UNC13C: variants seen among roughly 807,000 people sequenced by gnomAD.
The protein encoded by UNC13C is unc-13 homolog C, also known as protein unc-13 homolog C.
Under a neutral mutation model 245.4 loss-of-function variants are expected in UNC13C, and 174 were observed. The observed-to-expected ratio is 0.71, with a 90% CI of 0.63 to 0.80. The LOEUF is 0.80. Ranked by LOEUF, UNC13C falls within the 30% of genes least tolerant of loss-of-function variation. The pLI, the probability that UNC13C is intolerant of heterozygous loss-of-function variation, is 0.00. For missense variants in UNC13C, 2,829 were observed against 2,602.9 expected (o/e 1.09, Z -1.89); for synonymous variants, 992 against 895.1 (o/e 1.11, Z -1.93).
chr15:54,588,653 C>G (rs1327026149), intron 30 of UNC13C, among the ~76,000 whole-genome samples: 1 of 152,152 alleles, frequency 6.6e-6, no homozygotes, highest in Non-Finnish European at 1.5e-5. Context: ...CCTCTTCCTC[C>G]CAAGTTCCCG....
At chr15:54,103,492 T>A (rs1900271587) in intron 2 of UNC13C, among the ~76,000 whole-genome samples, 1 of 152,248 alleles carries the variant, frequency 6.6e-6, no homozygotes, top group African/African-American at 2.4e-5. Flanking sequence ...AATTAACTTT[T>A]CTGAAAACAC....
the UNC13C span, among the ~76,000 whole-genome samples, chr15:53,839,136 T>C: frequency 6.6e-6 from 1 of 152,064 alleles, no homozygotes; most frequent in African/African-American, 2.4e-5. Context: ...CATGTATATA[T>C]GGGCAGGTGT....
chr15:54,022,946 G>A (rs375465403), intron 2 of UNC13C, among the ~76,000 whole-genome samples: 6 of 152,108 alleles, frequency 3.9e-5, no homozygotes, highest in South Asian at 4.1e-4. Context: ...AGAACCCAAC[G>A]AATACATGTG....
intron 7 of UNC13C, among the ~76,000 whole-genome samples, chr15:54,241,761 A>G (rs1303709240): frequency 4.6e-5 from 7 of 152,198 alleles, no homozygotes; most frequent in Admixed American, 3.9e-4. Context: ...CCATCAGCGC[A>G]GTAGGGCAGG....
chr15:53,881,364 T>C, the UNC13C span, among the ~76,000 whole-genome samples: 1 of 152,202 alleles, frequency 6.6e-6, no homozygotes, highest in African/African-American at 2.4e-5. Context: ...GGCCATTAAG[T>C]ATCTTAAAAG....
intron 19 of UNC13C, among the ~76,000 whole-genome samples, chr15:54,480,792 G>A (rs75779471): frequency 0.03 from 4,510 of 151,972 alleles, 180 homozygotes; most frequent in Admixed American, 0.12. Flanking sequence ...CTTATTTCTT[G>A]GGTTCTTGCA....
chr15:53,927,530 A>T, the UNC13C span, among the ~76,000 whole-genome samples: 1 of 152,230 alleles, frequency 6.6e-6, no homozygotes, highest in Non-Finnish European at 1.5e-5. Context: ...AGGGTGGGTG[A>T]TAATTCCACT....
intron 4 of UNC13C, among the ~76,000 whole-genome samples, chr15:54,215,717 A>T (rs1215722286): frequency 6.6e-6 from 1 of 151,924 alleles, no homozygotes; most frequent in African/African-American, 2.4e-5. Flanking sequence ...TGAGAAAAAT[A>T]GTGGTGAAAT....
At chr15:54,497,368 G>A (rs767151318) in intron 20 of UNC13C, among the ~76,000 whole-genome samples, 1 of 152,108 alleles carries the variant, frequency 6.6e-6, no homozygotes, top group Admixed American at 6.6e-5. Context: ...ACAGCCAACA[G>A]TAGCTCAGAG....
At chr15:54,123,177 C>G (rs2030795103) in intron 2 of UNC13C, among the ~76,000 whole-genome samples, 1 of 151,842 alleles carries the variant, frequency 6.6e-6, no homozygotes, top group Admixed American at 6.6e-5. Flanking sequence ...TTTCAAATTT[C>G]ATTACCCCAA....
chr15:54,404,096 T>C (rs1449825462), intron 18 of UNC13C, among the ~76,000 whole-genome samples: 3 of 152,180 alleles, frequency 2.0e-5, no homozygotes, highest in Admixed American at 6.5e-5. Flanking sequence ...GCTTAATAAG[T>C]TTTATAATGT....
chr15:54,416,911 T>C (rs1596345807), intron 19 of UNC13C: 1 of 456,484 alleles, frequency 2.2e-6, no homozygotes, highest in Non-Finnish European at 4.4e-6. Context: ...GCATGAGGGA[T>C]TTTTTGGCCA....
intron 4 of UNC13C, among the ~76,000 whole-genome samples, chr15:54,171,445 T>C (rs2033394725): frequency 6.6e-6 from 1 of 151,970 alleles, no homozygotes; most frequent in Non-Finnish European, 1.5e-5. Context: ...GGGAAAAATA[T>C]CTGAATAGAC....
chr15:54,091,929 C>A (rs1420179706), intron 2 of UNC13C, among the ~76,000 whole-genome samples: 1 of 152,022 alleles, frequency 6.6e-6, no homozygotes, highest in Non-Finnish European at 1.5e-5. Flanking sequence ...AACCATATTT[C>A]TTTTCTTAGT....
intron 2 of UNC13C, among the ~76,000 whole-genome samples, chr15:54,058,593 C>T (rs1271988678): frequency 1.3e-5 from 2 of 152,168 alleles, no homozygotes; most frequent in Admixed American, 6.5e-5. Context: ...AAGAGGGAAT[C>T]CTCCCTAACT....
the UNC13C span, among the ~76,000 whole-genome samples, chr15:53,866,629 C>G: frequency 6.6e-6 from 1 of 152,176 alleles, no homozygotes; most frequent in African/African-American, 2.4e-5. Flanking sequence ...GGCACCAGAT[C>G]CAATGTCTGA....
At chr15:54,240,756 C>T (rs1274701477) in intron 7 of UNC13C, among the ~76,000 whole-genome samples, 2 of 152,138 alleles carry the variant, frequency 1.3e-5, no homozygotes, top group African/African-American at 2.4e-5. Context: ...AGCTTAGTAA[C>T]ATAGGGAGGA....
At chr15:53,985,002 A>G (rs2140951398) in intron 1 of UNC13C, among the ~76,000 whole-genome samples, 1 of 152,068 alleles carries the variant, frequency 6.6e-6, no homozygotes, top group Admixed American at 6.6e-5. Flanking sequence ...AAAACACGGG[A>G]ATACATGTGC....
chr15:54,098,837 C>T (rs1384394264), intron 2 of UNC13C, among the ~76,000 whole-genome samples: 2 of 152,172 alleles, frequency 1.3e-5, no homozygotes, highest in East Asian at 3.9e-4. Flanking sequence ...CCATCTTCAT[C>T]AAATGTCAGC....
Sources: allele counts gnomAD v4.1 joint callset (sites outside exome capture counted in the v4.1 genomes callset), GRCh38; gene constraint gnomAD v4.1.1; transcripts MANE v1.5; gene names NCBI Gene and HGNC (gene_info 2026-07-23, HGNC 2026-07-21).